Variants in ATXN2 observed in about 807,000 individuals in gnomAD.
ATXN2 encodes the protein ataxin 2, also known as ataxin-2.
Under a neutral mutation model 138.6 loss-of-function variants are expected in ATXN2, and 37 were observed. The ratio of observed to expected loss-of-function variants is 0.27; its 90% CI spans 0.21 to 0.35. The LOEUF (loss-of-function observed/expected upper bound fraction) is 0.35. ATXN2 is among the 10% of genes least tolerant of loss of function. The pLI is 1.00. For synonymous variants in ATXN2, 549 were observed against 543.7 expected, an observed-to-expected ratio of 1.01 and a Z score of -0.13; for missense variants, 1,216 against 1,480.3, an observed-to-expected ratio of 0.82 and a Z score of 2.93.
chr12:111,507,931 T>C (rs1879266274), intron 14 of ATXN2, among the ~76,000 whole-genome samples: 1 of 152,206 alleles, frequency 6.6e-6, no homozygotes, highest in Non-Finnish European at 1.5e-5. Context: ...CGGTGCAAGA[T>C]GTGCTTTGTT....
At chr12:111,478,872 G>C (rs1292057048) in intron 18 of ATXN2, among the ~76,000 whole-genome samples, 1 of 151,872 alleles carries the variant, frequency 6.6e-6, no homozygotes, top group Non-Finnish European at 1.5e-5. Flanking sequence ...AGCCAGGCAT[G>C]GTGGTGCGCG....
At chr12:111,526,154 G>A (rs1453315217) in intron 5 of ATXN2, among the ~76,000 whole-genome samples, 2 of 151,530 alleles carry the variant, frequency 1.3e-5, no homozygotes, top group African/African-American at 2.4e-5. Flanking sequence ...TTAAGAGATC[G>A]AGACCATCCT....
intron 18 of ATXN2, among the ~76,000 whole-genome samples, chr12:111,482,066 T>C (rs1258246323): frequency 6.6e-6 from 1 of 152,064 alleles, no homozygotes; most frequent in East Asian, 1.9e-4. Context: ...AAGTGGTATA[T>C]TCAGGCCAGG....
intron 14 of ATXN2, among the ~76,000 whole-genome samples, chr12:111,489,119 C>G (rs963560859): frequency 6.6e-6 from 1 of 152,002 alleles, no homozygotes; most frequent in African/African-American, 2.4e-5. Context: ...AGACACTTCA[C>G]AATAAAATGA....
At chr12:111,599,621 G>T (rs1219818385), upstream of ATXN2, 4 of 1,078,502 alleles carry the variant, frequency 3.7e-6, no homozygotes, top group East Asian at 2.4e-4. Flanking sequence ...GGTGGCCCCG[G>T]GGCCGGGAGG....
At chr12:111,565,477 AC>A (rs1460592889) in intron 1 of ATXN2, among the ~76,000 whole-genome samples, 1 of 152,220 alleles carries the variant, frequency 6.6e-6, no homozygotes, top group Non-Finnish European at 1.5e-5. Context: ...ATTGTATTTT[AC>A]AATTGTAAAT....
chr12:111,573,456 A>C (rs1171813234), intron 1 of ATXN2, among the ~76,000 whole-genome samples: 1 of 152,190 alleles, frequency 6.6e-6, no homozygotes. Context: ...TCGGCCTCCC[A>C]AACTGCTGGG....
intron 6 of ATXN2, among the ~76,000 whole-genome samples, chr12:111,521,473 T>C (rs940123166): frequency 6.6e-6 from 1 of 152,238 alleles, no homozygotes; most frequent in Admixed American, 6.5e-5. Context: ...CTTTCCCTCA[T>C]ATTCAACGAT....
At chr12:111,510,099 G>T (rs964351866) in intron 12 of ATXN2, 101 bp from the exon 13 acceptor site, 4 of 900,876 alleles carry the variant, frequency 4.4e-6, no homozygotes, top group Non-Finnish European at 6.7e-6. Context: ...GGAAAATAAT[G>T]CTTTCATTTA....
At chr12:111,459,567 A>T (rs1875399923) in intron 21 of ATXN2, among the ~76,000 whole-genome samples, 2 of 149,298 alleles carry the variant, frequency 1.3e-5, no homozygotes, top group South Asian at 2.1e-4. Flanking sequence ...CAGCCTGCCG[A>T]GTAGCTGGAA....
At chr12:111,535,714 A>G (rs984248139) in intron 5 of ATXN2, among the ~76,000 whole-genome samples, 7 of 150,336 alleles carry the variant, frequency 4.7e-5, no homozygotes, top group Non-Finnish European at 7.4e-5. Flanking sequence ...TAACATTGGG[A>G]AATAGGCCGG....
chr12:111,506,381 CATT>C (rs1432516826), intron 14 of ATXN2, among the ~76,000 whole-genome samples: 1 of 152,062 alleles, frequency 6.6e-6, no homozygotes, highest in Non-Finnish European at 1.5e-5. Flanking sequence ...AATTATATCT[CATT>C]AAAAACCACT....
intron 5 of ATXN2, among the ~76,000 whole-genome samples, chr12:111,541,540 G>A (rs1203609029): frequency 6.8e-6 from 1 of 147,178 alleles, no homozygotes; most frequent in Non-Finnish European, 1.5e-5. Context: ...TAGTAGAGAC[G>A]GGGTTTCTCC....
chr12:111,470,265 A>C, intron 19 of ATXN2, 25 bp from the exon 20 acceptor site: 5 of 1,610,316 alleles, frequency 3.1e-6, no homozygotes, highest in Non-Finnish European at 4.2e-6. Flanking sequence ...AAAATAAAGA[A>C]AGCACATTAA....
chr12:111,595,032 T>C (rs1485772583), intron 1 of ATXN2, among the ~76,000 whole-genome samples: 4 of 152,202 alleles, frequency 2.6e-5, no homozygotes, highest in Non-Finnish European at 5.9e-5. Context: ...CACTTAATAA[T>C]ATATGCACTT....
At chr12:111,505,594 T>A (rs1032319897) in intron 14 of ATXN2, among the ~76,000 whole-genome samples, 1 of 152,282 alleles carries the variant, frequency 6.6e-6, no homozygotes, top group African/African-American at 2.4e-5. Flanking sequence ...CAAAAGATGT[T>A]CAACATCATT....
chr12:111,495,655 C>A (rs1592831830), intron 14 of ATXN2, among the ~76,000 whole-genome samples: 1 of 152,148 alleles, frequency 6.6e-6, no homozygotes, highest in South Asian at 2.1e-4. Context: ...AACTTCAACA[C>A]CCCACTCTCA....
At chr12:111,558,682 C>T (rs1194792306) in intron 1 of ATXN2, among the ~76,000 whole-genome samples, 1 of 151,966 alleles carries the variant, frequency 6.6e-6, no homozygotes, top group African/African-American at 2.4e-5. Context: ...CTGTGGTCCC[C>T]GCTACTTGGT....
chr12:111,581,512 GATCCCC>G, intron 1 of ATXN2: 1 of 1,034,050 alleles, frequency 9.7e-7, no homozygotes, highest in African/African-American at 1.6e-5. Context: ...TGTCCACCGT[GATCCCC>G]ATCCACAGCG....
Sources: allele counts gnomAD v4.1 joint callset (sites outside exome capture counted in the v4.1 genomes callset), GRCh38; gene constraint gnomAD v4.1.1; transcripts MANE v1.5; gene names NCBI Gene and HGNC (gene_info 2026-07-23, HGNC 2026-07-21).